DCLK2: variants seen among roughly 807,000 people sequenced by gnomAD.
DCLK2 encodes the protein doublecortin like kinase 2, also known as serine/threonine-protein kinase DCLK2.
In DCLK2, 31 loss-of-function variants were observed where a neutral mutation model predicts 78.4. The ratio of observed to expected loss-of-function variants is 0.40; its 90% CI spans 0.30 to 0.53. The LOEUF (loss-of-function observed/expected upper bound fraction) is 0.53, where lower values mean the gene tolerates loss of function less well. DCLK2 is among the 20% of genes least tolerant of loss of function. DCLK2 has a pLI of 0.61. For missense variants in DCLK2, 872 were observed against 973.7 expected, an observed-to-expected ratio of 0.90 and a Z score of 1.39; for synonymous variants, 407 against 374.9, an observed-to-expected ratio of 1.09 and a Z score of -0.99.
At chr4:150,079,544 C>A in intron 1 of DCLK2, 96 bp downstream of exon 1, 1 of 1,252,974 alleles carries the variant, frequency 8.0e-7, no homozygotes, top group Non-Finnish European at 1.1e-6. Flanking sequence ...GGGTGCTTTC[C>A]AAGCCGCACG....
Position 150,198,912 on chromosome 4 carries a change from C to CG in DCLK2, c.961+809_961+810insG, listed in dbSNP as rs1429976174. On this transcript the variant is annotated intron_variant, in intron 4 of 15. Transcript: ENST00000296550. ...TATTCGCCCTTTCCCCTTTCAGCAC[C>CG]CCCCCCCCCACTTTCTGTAGGGCAG... The CG allele has an allele frequency of 1.2e-4, 62 of 505,584 alleles. 10 individuals are homozygous for CG. In the Middle Eastern group the frequency reaches 1.3e-3, roughly 10 times the overall value. 31.3% of individuals were successfully genotyped at this position (505,584 alleles called of 1,614,324 possible). A position where few individuals can be genotyped will look rare whatever the true frequency, so the allele number is the denominator to read the frequency against.
At chr4:150,250,189 A>C (rs192436380) in intron 15 of DCLK2, among the ~76,000 whole-genome samples, 1 of 152,182 alleles carries the variant, frequency 6.6e-6, no homozygotes, top group African/African-American at 2.4e-5. Flanking sequence ...CAAGGAAAAA[A>C]ATATATATTC....
intron 2 of DCLK2, among the ~76,000 whole-genome samples, chr4:150,185,987 C>T (rs1005350573): frequency 1.3e-5 from 2 of 152,160 alleles, no homozygotes; most frequent in African/African-American, 4.8e-5. Context: ...GATGTTTCCC[C>T]ATTAGATCCT....
At chr4:150,213,404 A>G (rs1740454562) in intron 5 of DCLK2, among the ~76,000 whole-genome samples, 1 of 152,338 alleles carries the variant, frequency 6.6e-6, no homozygotes, top group South Asian at 2.1e-4. Flanking sequence ...CATATCTCAT[A>G]CTGAAGTATT....
chr4:150,165,987 G>A (rs1196908405), intron 2 of DCLK2, among the ~76,000 whole-genome samples: 1 of 152,090 alleles, frequency 6.6e-6, no homozygotes, highest in African/African-American at 2.4e-5. Context: ...TCAACTGTGG[G>A]ATGACCATCT....
At chr4:150,201,270 A>G (rs1739429192) in intron 4 of DCLK2, among the ~76,000 whole-genome samples, 1 of 152,112 alleles carries the variant, frequency 6.6e-6, no homozygotes, top group African/African-American at 2.4e-5. Context: ...GGTGTAGCAG[A>G]AGAGTGGAAG....
chr4:150,157,923 C>T (rs116571476), intron 2 of DCLK2, among the ~76,000 whole-genome samples: 1 of 152,180 alleles, frequency 6.6e-6, no homozygotes, highest in Non-Finnish European at 1.5e-5. Context: ...GCTGCCGTGC[C>T]TGGCCCAGAA....
At chr4:150,225,828 T>C (rs1389614082) in intron 8 of DCLK2, among the ~76,000 whole-genome samples, 13 of 152,322 alleles carry the variant, frequency 8.5e-5, no homozygotes. Flanking sequence ...TTCTATAAAG[T>C]GTATTCCTGG....
At chr4:150,240,591 A>T (rs556862616) in intron 12 of DCLK2, 115 bp downstream of exon 12, 31 of 349,074 alleles carry the variant, frequency 8.9e-5, no homozygotes, top group African/African-American at 6.5e-4. Context: ...TGCCAGTTAA[A>T]AATTACATAA....
rs1162260186 is a variant in DCLK2, at chr4:150,097,000, C to A, written c.422-5478C>A. ...GAGGAGAGAAAGAATGGCTCTGAAACCTCAGCATGGGAGGAGAGAAGGACC... is the reference window on the plus strand; with the variant it reads ...GAGGAGAGAAAGAATGGCTCTGAAAACTCAGCATGGGAGGAGAGAAGGACC... On this transcript the variant is annotated intron_variant, in intron 1 of 15. Coordinates refer to ENST00000296550, the MANE Select transcript of DCLK2 (RefSeq NM_001040260.4). Among the ~76,000 whole-genome samples, 6 of 151,950 alleles carry A rather than the reference C, an allele frequency of 3.9e-5. No individual in the cohort carries two copies. The South Asian group carries it at 1.2e-3, about 32-fold the overall frequency.
intron 2 of DCLK2, among the ~76,000 whole-genome samples, chr4:150,190,244 T>G: frequency 1.6e-5 from 1 of 64,364 alleles, no homozygotes; most frequent in Admixed American, 1.6e-4. Context: ...GTTAGATAGA[T>G]AGATAGATAG....
intron 2 of DCLK2, among the ~76,000 whole-genome samples, chr4:150,174,506 G>C (rs1736801087): frequency 6.6e-6 from 1 of 152,122 alleles, no homozygotes; most frequent in Admixed American, 6.5e-5. Flanking sequence ...CTACTTTTGT[G>C]TTTGCGGCCA....
At chr4:150,096,259 G>A (rs12503967) in intron 1 of DCLK2, among the ~76,000 whole-genome samples, 57,546 of 152,036 alleles carry the variant, frequency 0.38, 11,129 homozygotes, top group Non-Finnish European at 0.42. Context: ...ACTGAACAGT[G>A]GTTATTCCGT....
In DCLK2 at chr4:150,254,476, C is replaced by T; in HGVS notation, c.2074-1544C>T. The T allele has an allele frequency of 5.0e-6, 2 of 398,854 alleles. 1 individual carries two copies. Among genetic ancestry groups the T allele is most frequent in the Non-Finnish European group, 8.8e-6 (2 of 226,252 alleles). 24.7% of individuals were successfully genotyped at this position (398,854 alleles called of 1,614,324 possible). ...CGCACTGCCAGCCTGCCTTCTGCCA[C>T]ACACGCCCCTGTGCTTCTGACAGGA... is the stretch of plus-strand genomic sequence containing the variant. On this transcript the variant is annotated intron_variant, in intron 15 of 15. Coordinates refer to ENST00000296550, the MANE Select transcript of DCLK2 (RefSeq NM_001040260.4).
rs1744586473 is a variant in DCLK2 at position 150,256,603 on chromosome 4, T to C, written c.*356T>C. 2 of 228,536 alleles carry C rather than the reference T, an allele frequency of 8.8e-6. No individual in the cohort carries two copies. Among genetic ancestry groups the C allele is most frequent in the Admixed American group, 5.5e-5 (1 of 18,226 alleles). 14.2% of individuals were successfully genotyped at this position (228,536 alleles called of 1,614,324 possible). A position where few individuals can be genotyped will look rare whatever the true frequency, so the allele number is the denominator to read the frequency against. The stretch of plus-strand genomic sequence containing the variant: ...TTCGATGCATTTTTATAGAAACACT[T>C]TGGAAACACTTTGGATGAACCAAGG... On this transcript the variant is annotated 3_prime_UTR_variant, in exon 16 of 16. Transcript: ENST00000296550.
chr4:150,189,276 GA>G lies in DCLK2; in HGVS notation c.757-3860del, dbSNP rs987459881. Among the ~76,000 whole-genome samples, 64 of 151,810 alleles carry G rather than the reference GA, an allele frequency of 4.2e-4. 1 individual carries two copies. The highest frequency in any genetic ancestry group is 1.5e-3 in the African/African-American group (62 of 41,436). On this transcript the variant is annotated intron_variant, in intron 2 of 15. Transcript: ENST00000296550. ...TAAAAATCAGTTCAATTCCATTTAA[GA>G]ACCATTTATTGAATATATGGATGTG...
At chr4:150,220,481 T>A (rs1741101168) in intron 5 of DCLK2, among the ~76,000 whole-genome samples, 1 of 152,094 alleles carries the variant, frequency 6.6e-6, no homozygotes, top group Non-Finnish European at 1.5e-5. Flanking sequence ...CAAAAAAAGG[T>A]AACTGATGAT....
At chr4:150,148,732 G>A (rs954007900) in intron 2 of DCLK2, among the ~76,000 whole-genome samples, 4 of 151,936 alleles carry the variant, frequency 2.6e-5, no homozygotes, top group African/African-American at 7.3e-5. Flanking sequence ...CCTAGTTTGA[G>A]TTCTTTGAAA....
chr4:150,144,222 A>G (rs982724272), intron 2 of DCLK2, among the ~76,000 whole-genome samples: 1 of 152,156 alleles, frequency 6.6e-6, no homozygotes, highest in Admixed American at 6.5e-5. Flanking sequence ...CAGGTCTCAC[A>G]TTTAAGTCTT....
Sources: allele counts gnomAD v4.1 joint callset (sites outside exome capture counted in the v4.1 genomes callset), GRCh38; gene constraint gnomAD v4.1.1; transcripts MANE v1.5; gene names NCBI Gene and HGNC (gene_info 2026-07-23, HGNC 2026-07-21).